Variants in TMEM132D observed in about 807,000 individuals in gnomAD.
The protein encoded by TMEM132D is mature OL transmembrane protein.
A neutral mutation model predicts 62.3 loss-of-function variants in TMEM132D; 21 were observed. The observed-to-expected ratio is 0.34, with a 90% confidence interval of 0.24 to 0.49. TMEM132D has a LOEUF of 0.49. Among genes scored for constraint, TMEM132D ranks in the 20% least tolerant of loss-of-function variants. The pLI is 0.99. For synonymous variants in TMEM132D, 621 were observed against 575.6 expected (o/e 1.08, Z -1.13); for missense variants, 1,346 against 1,402.8 (o/e 0.96, Z 0.65).
At chr12:129,283,326 G>C (rs1037465788) in intron 4 of TMEM132D, among the ~76,000 whole-genome samples, 1 of 152,110 alleles carries the variant, frequency 6.6e-6, no homozygotes, top group Non-Finnish European at 1.5e-5. Context: ...CCAGTAGCTG[G>C]GATTACAGGT....
At chr12:129,714,897 G>A (rs989577801) in intron 1 of TMEM132D, among the ~76,000 whole-genome samples, 8 of 152,128 alleles carry the variant, frequency 5.3e-5, no homozygotes, top group African/African-American at 1.7e-4. Flanking sequence ...AGTGAGGAGG[G>A]TGCAGTTTGG....
At chr12:129,593,206 A>T (rs530037496) in intron 2 of TMEM132D, among the ~76,000 whole-genome samples, 4 of 152,344 alleles carry the variant, frequency 2.6e-5, no homozygotes, top group African/African-American at 7.2e-5. Flanking sequence ...TCTGACTTTC[A>T]AGCTTAGAAG....
At chr12:129,515,793 T>C (rs1053210474) in intron 3 of TMEM132D, among the ~76,000 whole-genome samples, 2 of 152,238 alleles carry the variant, frequency 1.3e-5, no homozygotes, top group African/African-American at 4.8e-5. Context: ...CACCTTTCTA[T>C]GTAACTGTCC....
At chr12:129,115,017 G>A (rs953260270) in intron 5 of TMEM132D, among the ~76,000 whole-genome samples, 20 of 152,250 alleles carry the variant, frequency 1.3e-4, no homozygotes, top group African/African-American at 4.3e-4. Context: ...AGACACTTAG[G>A]TATTTCTGTA....
At chr12:129,658,195 G>C (rs1880143377) in intron 2 of TMEM132D, among the ~76,000 whole-genome samples, 1 of 152,154 alleles carries the variant, frequency 6.6e-6, no homozygotes, top group African/African-American at 2.4e-5. Flanking sequence ...GGAAAAGAAA[G>C]CAGCATCAGT....
chr12:129,095,212 T>G (rs1448506774), intron 5 of TMEM132D, among the ~76,000 whole-genome samples: 1 of 151,606 alleles, frequency 6.6e-6, no homozygotes. Flanking sequence ...AAAGGATGAA[T>G]AGATAAAAAT....
At chr12:129,171,475 C>A (rs774996739) in intron 5 of TMEM132D, among the ~76,000 whole-genome samples, 1 of 152,168 alleles carries the variant, frequency 6.6e-6, no homozygotes, top group African/African-American at 2.4e-5. Flanking sequence ...TGCTTAATGG[C>A]GAATAGGGAA....
intron 2 of TMEM132D, among the ~76,000 whole-genome samples, chr12:129,596,875 CTG>C (rs1565917170): frequency 2.0e-5 from 3 of 151,990 alleles, no homozygotes; most frequent in Admixed American, 6.6e-5. Context: ...GTAGGAAATT[CTG>C]TGATTGTCTG....
chr12:129,233,447 T>C (rs1879699109), intron 4 of TMEM132D, among the ~76,000 whole-genome samples: 1 of 152,224 alleles, frequency 6.6e-6, no homozygotes, highest in South Asian at 2.1e-4. Context: ...TCTTATATCC[T>C]GCCTCATGAT....
Position 129,645,060 on chromosome 12 carries a change from G to A in TMEM132D, c.968+54750C>T, listed in dbSNP as rs536664913. ...GCTGCTGCTTGGCCAGCAAAGATAA[G>A]TAGCCTTGCAAGGCTGTCTTCTGTG... On this transcript the variant is annotated intron_variant, in intron 2 of 8. Transcript: ENST00000422113. Among the ~76,000 whole-genome samples, 4 of 148,188 alleles carry A rather than the reference G, an allele frequency of 2.7e-5. No individual in the cohort carries two copies. In the South Asian group the frequency reaches 6.5e-4, roughly 24 times the overall value.
chr12:129,261,601 C>A (rs908311556), intron 4 of TMEM132D, among the ~76,000 whole-genome samples: 8 of 152,128 alleles, frequency 5.3e-5, no homozygotes, highest in African/African-American at 1.9e-4. Context: ...ATTTGAACAA[C>A]AGAAATTTAT....
At position 129,575,582 on chromosome 12, in the gene TMEM132D, G is replaced by A. The variant is rs537056480; in HGVS notation, c.969-44377C>T. ...GAGAAGTCCTGCCTTGCTAAAATCC[G>A]TAAATGCCAGAAAGCTCAGACCAAT... On this transcript the variant is annotated intron_variant, in intron 2 of 8. Transcript: ENST00000422113. Among the ~76,000 whole-genome samples the A allele has an allele frequency of 7.2e-5, 11 of 151,976 alleles. 1 individual carries two copies. Among genetic ancestry groups the A allele is most frequent in the African/African-American group, 2.7e-4 (11 of 41,280 alleles).
intron 3 of TMEM132D, among the ~76,000 whole-genome samples, chr12:129,410,144 G>C (rs186569225): frequency 7.2e-5 from 11 of 152,238 alleles, no homozygotes; most frequent in Non-Finnish European, 1.6e-4. Flanking sequence ...TGGATCCTGA[G>C]CACTTGAGAG....
chr12:129,354,930 C>T (rs1869991671), intron 3 of TMEM132D, among the ~76,000 whole-genome samples: 1 of 152,172 alleles, frequency 6.6e-6, no homozygotes, highest in Non-Finnish European at 1.5e-5. Flanking sequence ...TTCCATCCCC[C>T]ACTATAAATG....
intron 4 of TMEM132D, among the ~76,000 whole-genome samples, chr12:129,216,432 A>G (rs987085823): frequency 2.6e-5 from 4 of 152,192 alleles, no homozygotes; most frequent in African/African-American, 7.2e-5. Context: ...CCTTACAAGA[A>G]GAGAAAACAC....
chr12:129,649,310 G>C (rs1879863615), intron 2 of TMEM132D, among the ~76,000 whole-genome samples: 1 of 152,082 alleles, frequency 6.6e-6, no homozygotes, highest in Non-Finnish European at 1.5e-5. Context: ...CCCATCTCCA[G>C]CTTGGAAGAT....
At chr12:129,149,231 GT>G (rs1877003126) in intron 5 of TMEM132D, among the ~76,000 whole-genome samples, 1 of 151,562 alleles carries the variant, frequency 6.6e-6, no homozygotes, top group Non-Finnish European at 1.5e-5. Context: ...CTGTTGGGGG[GT>G]GGGGGGCAAG....
intron 3 of TMEM132D, among the ~76,000 whole-genome samples, chr12:129,400,709 GT>G (rs1209410404): frequency 6.6e-6 from 1 of 152,148 alleles, no homozygotes. Flanking sequence ...TAAAAAGAGA[GT>G]TGTAAAATTT....
intron 3 of TMEM132D, among the ~76,000 whole-genome samples, chr12:129,452,723 A>G (rs566118575): frequency 6.6e-6 from 1 of 151,838 alleles, no homozygotes; most frequent in African/African-American, 2.4e-5. Context: ...AAAGGAGGGG[A>G]GAGAGAGAGA....
Sources: gnomAD v4.1 joint callset for allele counts (sites outside exome capture counted in the v4.1 genomes callset) on GRCh38, gnomAD v4.1.1 for gene constraint, MANE v1.5 for transcripts, NCBI Gene and HGNC (gene_info 2026-07-23, HGNC 2026-07-21) for gene names.